Variants in CXorf58 observed in about 807,000 individuals in gnomAD.
The protein encoded by CXorf58 is chromosome X open reading frame 58, also known as uncharacterized protein CXorf58.
CXorf58 carries 24 observed loss-of-function variants against 26.0 expected under a neutral mutation model. The observed-to-expected ratio is 0.92, with a 90% CI of 0.67 to 1.30. CXorf58 has a LOEUF of 1.30. CXorf58 is among the 50% of genes most tolerant of loss of function. The probability of loss-of-function intolerance (pLI) is 0.00; values close to 1 mark genes in which losing one functional copy is unlikely to be tolerated. For synonymous variants in CXorf58, 87 were observed against 86.1 expected (o/e 1.01, Z -0.06); for missense variants, 236 against 263.9 (o/e 0.89, Z 0.73).
chrX:23,938,576 A>G lies in CXorf58; in HGVS notation c.815A>G (p.Tyr272Cys). 3 of 1,193,575 alleles carry G rather than the reference A, an allele frequency of 2.5e-6. No homozygotes were observed. The East Asian group carries it at 9.0e-5, about 36-fold the overall frequency. The change falls in exon 8 of 9, where the codon TAT (tyrosine) becomes TGT (cysteine). Residue 272 changes from tyrosine (Y) to cysteine (C), a missense_variant. Tyr to Cys is a radical substitution (Grantham distance 194). Coordinates refer to ENST00000379211, the MANE Select transcript of CXorf58 (RefSeq NM_152761.3). ...RGPYLTVQPL[Y>C]RPYKQQNQVK... ...CCATACTTAACTGTCCAACCTCTAT[A>G]TCGGCCCTACAAACAGCAAAATCAA...
At chrX:23,928,828 A>G (rs1928082270) in intron 6 of CXorf58, among the ~76,000 whole-genome samples, 1 of 110,973 alleles carries the variant, frequency 9.0e-6, no homozygotes, top group Non-Finnish European at 1.9e-5. Flanking sequence ...ACACAACAAT[A>G]TTGAAATTAG....
At chrX:23,937,426 C>CT (rs112427001) in intron 7 of CXorf58, among the ~76,000 whole-genome samples, 17,129 of 94,883 alleles carry the variant, frequency 0.18, 1,890 homozygotes, top group East Asian at 0.54. Flanking sequence ...TTTTTCTTTT[C>CT]TTTTTTTTTT....
chrX:23,923,534 G>A (rs1896462216), intron 5 of CXorf58, among the ~76,000 whole-genome samples: 1 of 109,313 alleles, frequency 9.1e-6, no homozygotes, highest in Non-Finnish European at 1.9e-5. Context: ...AGCTACTCAG[G>A]AGGCTGAGGC....
chrX:23,923,563 C>T (rs1401790782), intron 5 of CXorf58, among the ~76,000 whole-genome samples: 2 of 106,609 alleles, frequency 1.9e-5, no homozygotes, highest in Non-Finnish European at 3.9e-5. Flanking sequence ...TGCTTGAACC[C>T]GGGAGGCAGA....
At chrX:23,926,749 G>T (rs543499632) in intron 5 of CXorf58, among the ~76,000 whole-genome samples, 2 of 112,577 alleles carry the variant, frequency 1.8e-5, no homozygotes, top group South Asian at 7.3e-4. Context: ...GGCCTGGCGC[G>T]GTGGCTCACG....
chrX:23,930,196 C>CAAAAAA (rs752970734), intron 6 of CXorf58, among the ~76,000 whole-genome samples: 1 of 36,774 alleles, frequency 2.7e-5, no homozygotes, highest in Non-Finnish European at 4.3e-5. Context: ...GACTCTGTCT[C>CAAAAAA]AAAAAAAAAA....
At chrX:23,939,074 T>C (rs1455700482) in intron 8 of CXorf58, among the ~76,000 whole-genome samples, 170 bp from the exon 9 acceptor site, 1 of 112,250 alleles carries the variant, frequency 8.9e-6, no homozygotes, top group African/African-American at 3.2e-5. Flanking sequence ...CTCAGTATAC[T>C]TTTACATCAT....
Position 23,910,423 on chromosome X carries a change from G to A in CXorf58, c.116+5G>A. 2.9e-6 allele frequency: 3 copies of A among 1,035,913 alleles called. No homozygotes were observed. The highest frequency in any genetic ancestry group is 4.1e-6 in the Non-Finnish European group (3 of 736,667). 85.4% of individuals were successfully genotyped at this position (1,035,913 alleles called of 1,213,427 possible). Reference sequence around the variant, plus strand: ...AAATGCAAGATCATTACTATCGTAAGTACCTGTGTTTTGCCTTGTGTTATC... The same window carrying A: ...AAATGCAAGATCATTACTATCGTAAATACCTGTGTTTTGCCTTGTGTTATC... On this transcript the variant is annotated splice_donor_5th_base_variant and intron_variant, in intron 2 of 8. Coordinates refer to ENST00000379211, the MANE Select transcript of CXorf58 (RefSeq NM_152761.3).
intron 1 of CXorf58, among the ~76,000 whole-genome samples, chrX:23,909,848 G>GACAAAT (rs2147062422): frequency 8.9e-6 from 1 of 112,006 alleles, no homozygotes; most frequent in East Asian, 2.8e-4. Flanking sequence ...GCTATTTGGT[G>GACAAAT]ATAAAACTGG....
At chrX:23,915,073 G>T (rs999446586) in intron 3 of CXorf58, among the ~76,000 whole-genome samples, 32 of 112,640 alleles carry the variant, frequency 2.8e-4, no homozygotes, top group African/African-American at 8.4e-4. Context: ...GGCGGAGGTT[G>T]CAGTGAGCCG....
chrX:23,933,863 G>A (rs931989091), intron 6 of CXorf58, among the ~76,000 whole-genome samples: 16 of 107,884 alleles, frequency 1.5e-4, no homozygotes, highest in Non-Finnish European at 2.9e-4. Flanking sequence ...CTGGGCAACA[G>A]GAGTGAAACT....
chrX:23,910,241 G>T (rs1052598729), intron 1 of CXorf58, 42 bp from the exon 2 acceptor site: 5 of 655,014 alleles, frequency 7.6e-6, no homozygotes, highest in South Asian at 2.5e-5. Flanking sequence ...CAGTGTAATA[G>T]TATAAATTAT....
chrX:23,916,238 A>C lies in CXorf58; in HGVS notation c.333A>C (p.Pro111=), dbSNP rs140754316. Residue 111 remains proline, a synonymous_variant, in exon 5 of 9, where the codon CCA becomes CCC. Coordinates refer to ENST00000379211, the MANE Select transcript of CXorf58 (RefSeq NM_152761.3). ...TCAGATTTAGAGGTGAAACGTTTCC[A>C]CCTTTCATCGTGTTTAAAATTTTTC... ...IRFRFRGETF[P]PFIVFKIFLH... 4 of 1,189,023 alleles carry C rather than the reference A, an allele frequency of 3.4e-6. No individual in the cohort carries two copies. In the African/African-American group the frequency reaches 5.3e-5, roughly 16 times the overall value.
chrX:23,929,862 G>A (rs1230826915), intron 6 of CXorf58, among the ~76,000 whole-genome samples: 3 of 111,619 alleles, frequency 2.7e-5, no homozygotes, highest in Non-Finnish European at 5.6e-5. Context: ...CTTAAAGCCA[G>A]TTCTCATTTA....
chrX:23,910,766 T>TTC (rs1425648701), intron 2 of CXorf58, among the ~76,000 whole-genome samples: 6 of 89,668 alleles, frequency 6.7e-5, no homozygotes, highest in African/African-American at 2.5e-4. Context: ...CTTTCTTTTT[T>TTC]TTTTTTTTTT....
chrX:23,939,460 C>G lies in CXorf58; in HGVS notation c.*157C>G, dbSNP rs1048533137. 6 of 411,720 alleles carry G rather than the reference C, an allele frequency of 1.5e-5. No homozygotes were observed. The South Asian group carries it at 2.5e-4, about 17-fold the overall frequency. 33.9% of individuals were successfully genotyped at this position (411,720 alleles called of 1,213,427 possible). A position where few individuals can be genotyped will look rare whatever the true frequency, so the allele number is the denominator to read the frequency against. On this transcript the variant is annotated 3_prime_UTR_variant, in exon 9 of 9. Coordinates refer to ENST00000379211, the MANE Select transcript of CXorf58 (RefSeq NM_152761.3). ...CAAAGTTGTTTAACAATCTGCTTGT[C>G]TGTCTATAAATAATGAGTATGTGTA...
chrX:23,920,566 G>C (rs1927837472), intron 5 of CXorf58, among the ~76,000 whole-genome samples: 1 of 111,594 alleles, frequency 9.0e-6, no homozygotes, highest in African/African-American at 3.3e-5. Context: ...TTCTCAGGTA[G>C]TATCAGAGAA....
chrX:23,927,179 C>T (rs1438494499), intron 5 of CXorf58, 60 bp from the exon 6 acceptor site: 2 of 733,318 alleles, frequency 2.7e-6, no homozygotes, highest in South Asian at 3.6e-5. Context: ...ATGTAAAGGG[C>T]GTGCTGATCA....
At chrX:23,937,426 C>CTTTTTTTTTTTTTTT (rs112427001) in intron 7 of CXorf58, among the ~76,000 whole-genome samples, 2 of 95,012 alleles carry the variant, frequency 2.1e-5, no homozygotes, top group East Asian at 3.4e-4. Flanking sequence ...TTTTTCTTTT[C>CTTTTTTTTTTTTTTT]TTTTTTTTTT....
Sources: allele counts gnomAD v4.1 joint callset (sites outside exome capture counted in the v4.1 genomes callset), GRCh38; gene constraint gnomAD v4.1.1; transcripts MANE v1.5; gene names NCBI Gene and HGNC (gene_info 2026-07-23, HGNC 2026-07-21).